The following DAGLB variants were observed in gnomAD, a reference collection of about 807,000 sequenced individuals.
DAGLB encodes diacylglycerol lipase-beta.
A neutral mutation model predicts 72.1 loss-of-function variants in DAGLB; 66 were observed. That is an observed-to-expected ratio of 0.92 (90% CI 0.75 to 1.12). The LOEUF is 1.12. DAGLB is among the 50% of genes most tolerant of loss of function. The probability of loss-of-function intolerance (pLI) is 0.00; values close to 1 mark genes in which losing one functional copy is unlikely to be tolerated. For synonymous variants in DAGLB, 414 were observed against 359.5 expected, an observed-to-expected ratio of 1.15 and a Z score of -1.71; for missense variants, 1,065 against 884.9, an observed-to-expected ratio of 1.20 and a Z score of -2.58.
chr7:6,446,799 A>G (rs537397534), intron 1 of DAGLB, among the ~76,000 whole-genome samples: 1 of 152,068 alleles, frequency 6.6e-6, no homozygotes, highest in African/African-American at 2.4e-5. Context: ...ACTTGAGCAC[A>G]AGAGTTGGAC....
chr7:6,447,738 C>T lies in DAGLB; in HGVS notation c.95+10G>A. The T allele has an allele frequency of 1.9e-6, 3 of 1,611,088 alleles. No individual in the cohort carries two copies. The highest frequency in any genetic ancestry group is 2.2e-5 in the East Asian group (1 of 44,700). ...GTGGGCTCCACCGCCCCCGTAGCCG[C>T]CGTCCTTACCACAGCACTCGCACGA... On this transcript the variant is annotated intron_variant, in intron 1 of 14. Transcript: ENST00000297056.
intron 2 of DAGLB, among the ~76,000 whole-genome samples, chr7:6,444,657 A>C (rs982250144): frequency 6.6e-6 from 1 of 152,202 alleles, no homozygotes; most frequent in Non-Finnish European, 1.5e-5. Context: ...ATTGGGCAAA[A>C]GATCTGAACA....
rs73676752 is a variant in DAGLB at position 6,439,391 on chromosome 7, C to T, written c.248-2858G>A. ...CTGGCCCCATAACCGACAAGCACAG[C>T]TGCATTCCTAAATGTAATGTCCTCA... On this transcript the variant is annotated intron_variant, in intron 2 of 14. Coordinates refer to ENST00000297056, the MANE Select transcript of DAGLB (RefSeq NM_139179.4). Among the ~76,000 whole-genome samples the T allele has an allele frequency of 2.3e-3, 346 of 152,294 alleles. 3 individuals carry two copies. The highest frequency in any genetic ancestry group is 8.0e-3 in the African/African-American group (332 of 41,560).
In DAGLB at chr7:6,425,999, A is replaced by G; in HGVS notation, c.1045T>C (p.Phe349Leu). The change falls in exon 7 of 15, where the codon TTC (phenylalanine) becomes CTC (leucine). Residue 349 changes from phenylalanine to leucine, a missense_variant. By Grantham distance (22) the Phe-to-Leu change is conservative. Transcript: ENST00000297056. ...TGCAGCGTCCACACCTTGTCATGGA[A>G]GCTGACGTGGATGAAGTCCCTGTAC... ...LQYRDFIHVS[F>L]HDKVYELPFL... 1.9e-6 allele frequency: 3 copies of G among 1,614,140 alleles called. No homozygotes were observed. The African/African-American group carries it at 4.0e-5, about 22-fold the overall frequency.
At chr7:6,420,764 AC>A (rs1784088348) in intron 9 of DAGLB, among the ~76,000 whole-genome samples, 12 of 151,918 alleles carry the variant, frequency 7.9e-5, no homozygotes, top group African/African-American at 2.9e-4. Flanking sequence ...AGAAACCCCT[AC>A]CCCTCTACTC....
intron 1 of DAGLB, among the ~76,000 whole-genome samples, chr7:6,447,219 C>T (rs1004710195): frequency 1.3e-5 from 2 of 152,224 alleles, no homozygotes; most frequent in Non-Finnish European, 2.9e-5. Flanking sequence ...ATGCCACTTC[C>T]CACTGATTCC....
intron 2 of DAGLB, among the ~76,000 whole-genome samples, chr7:6,437,222 A>C (rs1230170635): frequency 6.6e-6 from 1 of 151,684 alleles, no homozygotes; most frequent in Non-Finnish European, 1.5e-5. Context: ...AACAGGCACA[A>C]AACAGAACTG....
intron 11 of DAGLB, among the ~76,000 whole-genome samples, chr7:6,415,307 T>C (rs1316222300): frequency 6.6e-6 from 1 of 152,092 alleles, no homozygotes; most frequent in Non-Finnish European, 1.5e-5. Context: ...CACTTATACA[T>C]TCTCCTGTTT....
In DAGLB at chr7:6,430,285, A is replaced by G. The variant is rs1271453608; in HGVS notation, c.929+195T>C. Among the ~76,000 whole-genome samples, 51 of 98,404 alleles carry G rather than the reference A, an allele frequency of 5.2e-4. No homozygotes were observed. In the East Asian group the frequency reaches 8.6e-3, roughly 17 times the overall value. The allele number at this position is 98,404 out of a possible 152,430, so 64.6% of individuals were successfully genotyped here. ...TATATATATATATATATATATATGC[A>G]GGGGGGAGGGAGGGAGGGAGAGAGA... is the stretch of plus-strand genomic sequence containing the variant. On this transcript the variant is annotated intron_variant, in intron 6 of 14. Transcript: ENST00000297056.
At position 6,434,789 on chromosome 7, in the gene DAGLB, C is replaced by A. The variant is rs753919500; in HGVS notation, c.651G>T (p.Thr217=). 1 of 1,614,032 alleles carries A rather than the reference C, an allele frequency of 6.2e-7. No homozygotes were observed. The highest frequency in any genetic ancestry group is 2.2e-5 in the East Asian group (1 of 44,880). ...AAAAGTAGGTTGAGAAAAGCTCTGCCGTACTCGAAAAAGCAACCCGAGTAT... is the reference window on the plus strand; with the variant it reads ...AAAAGTAGGTTGAGAAAAGCTCTGCAGTACTCGAAAAAGCAACCCGAGTAT... The part of the protein sequence containing the change: ...DDHTRVAFSS[T]AELFSTYFSD... The change falls in exon 4 of 15, where the codon ACG becomes ACT. Residue 217 remains threonine, a synonymous_variant. Coordinates refer to ENST00000297056, the MANE Select transcript of DAGLB (RefSeq NM_139179.4).
rs992220065 is a variant in DAGLB at position 6,447,770 on chromosome 7, C to A, written c.73G>T (p.Glu25Ter). The A allele has an allele frequency of 6.2e-7, 1 of 1,613,626 alleles. No individual in the cohort carries two copies. The highest frequency in any genetic ancestry group is 8.5e-7 in the Non-Finnish European group (1 of 1,179,826). Reference protein sequence around the residue: ...SDDLVFPGFFELVVRVLWWIG... With the variant: ...SDDLVFPGFF ...TACCACAGCACTCGCACGACCAGCT[C>A]GAAGAACCCTGGGAAGACCAAGTCG... Residue 25 changes from glutamate to a stop codon, truncating the protein, a stop_gained, in exon 1 of 15, where the codon GAG becomes TAG. Transcript: ENST00000297056. LOFTEE classifies it high-confidence loss of function.
chr7:6,422,037 G>A (rs1478666798), intron 8 of DAGLB: 1 of 645,760 alleles, frequency 1.5e-6, no homozygotes, highest in Non-Finnish European at 2.9e-6. Context: ...GGGGACCATG[G>A]AGTGTGCCTA....
chr7:6,436,559 G>C lies in DAGLB; in HGVS notation c.248-26C>G, dbSNP rs1231932228. On this transcript the variant is annotated intron_variant, in intron 2 of 14. Transcript: ENST00000297056. Reference sequence around the variant, plus strand: ...CTGAAATACAAAAAACGTTCCGACTGCTCAGTTGCTTCCTCAGAGATGAAG... The same window carrying C: ...CTGAAATACAAAAAACGTTCCGACTCCTCAGTTGCTTCCTCAGAGATGAAG... The C allele has an allele frequency of 2.5e-6, 4 of 1,613,382 alleles. No homozygotes were observed. The East Asian group carries it at 8.9e-5, about 36-fold the overall frequency.
At chr7:6,437,995 G>C (rs1784715984) in intron 2 of DAGLB, among the ~76,000 whole-genome samples, 1 of 152,168 alleles carries the variant, frequency 6.6e-6, no homozygotes, top group Admixed American at 6.6e-5. Flanking sequence ...GACTGAAATA[G>C]TTACATTTTA....
chr7:6,433,048 C>T, intron 4 of DAGLB, 89 bp from the exon 5 acceptor site: 2 of 1,512,012 alleles, frequency 1.3e-6, no homozygotes, highest in Non-Finnish European at 1.8e-6. Flanking sequence ...AGTTGATAGG[C>T]ATTCACGCAC....
Position 6,426,122 on chromosome 7 carries a change from G to C in DAGLB, c.930-8C>G, listed in dbSNP as rs764246435. 4.3e-6 allele frequency: 7 copies of C among 1,613,132 alleles called. No homozygotes were observed. In the South Asian group the frequency reaches 5.5e-5, roughly 13 times the overall value. ...GTGGTTCTGCTTCTGCAGCTAAAAA[G>C]AGGACAAAGACGTTACTATGCCGAA... On this transcript the variant is annotated splice_region_variant and splice_polypyrimidine_tract_variant and intron_variant, in intron 6 of 14. Coordinates refer to ENST00000297056, the MANE Select transcript of DAGLB (RefSeq NM_139179.4).
chr7:6,438,805 C>T (rs1056355107), intron 2 of DAGLB, among the ~76,000 whole-genome samples: 10 of 151,922 alleles, frequency 6.6e-5, no homozygotes, highest in African/African-American at 2.2e-4. Flanking sequence ...CCCAGGAGTT[C>T]GAGACCACGC....
At chr7:6,446,973 G>A (rs937695938) in intron 1 of DAGLB, among the ~76,000 whole-genome samples, 2 of 152,068 alleles carry the variant, frequency 1.3e-5, no homozygotes, top group Non-Finnish European at 2.9e-5. Context: ...TCGCACCACT[G>A]CACTCCCGCC....
intron 1 of DAGLB, 101 bp downstream of exon 1, chr7:6,447,647 G>A: frequency 2.1e-6 from 3 of 1,452,788 alleles, no homozygotes; most frequent in South Asian, 1.3e-5. Context: ...CTGGGACCGC[G>A]ACAGTGCTTG....
Sources: allele counts gnomAD v4.1 joint callset (sites outside exome capture counted in the v4.1 genomes callset), GRCh38; gene constraint gnomAD v4.1.1; transcripts MANE v1.5; gene names NCBI Gene and HGNC (gene_info 2026-07-23, HGNC 2026-07-21).